The following XIAP variants were observed in gnomAD, a reference collection of about 807,000 sequenced individuals.
XIAP encodes E3 ubiquitin-protein ligase XIAP.
Under a neutral mutation model 33.1 loss-of-function variants are expected in XIAP, and 3 were observed. The ratio of observed to expected loss-of-function variants is 0.09; its 90% CI spans 0.04 to 0.23. The LOEUF is 0.23. Ranked by LOEUF, XIAP falls within the 10% of genes least tolerant of loss-of-function variation. The pLI is 1.00. For missense variants in XIAP, 264 were observed against 363.0 expected (o/e 0.73, Z 2.22); for synonymous variants, 98 against 121.3 (o/e 0.81, Z 1.26).
rs1195199037 is a variant in XIAP at position 123,907,870 on chromosome X, G to A, written c.*689G>A. On this transcript the variant is annotated 3_prime_UTR_variant, in exon 7 of 7. Coordinates refer to ENST00000371199, the MANE Select transcript of XIAP (RefSeq NM_001167.4). The stretch of plus-strand genomic sequence containing the variant: ...AAAACACTATGTATAGTCTGAGCCA[G>A]ATCAAAGTATGTATGTTTTTAATAT... 2.9e-6 allele frequency: 1 copy of A among 348,094 alleles called. No homozygotes were observed. Among genetic ancestry groups the A allele is most frequent in the South Asian group, 2.7e-5 (1 of 37,223 alleles). The allele number at this position is 348,094 out of a possible 1,213,427, so 28.7% of individuals were successfully genotyped here.
chrX:123,912,275 C>G lies in XIAP; in HGVS notation c.*5094C>G. On this transcript the variant is annotated 3_prime_UTR_variant, in exon 7 of 7. Coordinates refer to ENST00000371199, the MANE Select transcript of XIAP (RefSeq NM_001167.4). ...AATACAAAATAATACAAAGAAAAAG[C>G]CAAAATTGTCATACTGTTGTTAAGC... 1 of 297,890 alleles carries G rather than the reference C, an allele frequency of 3.4e-6. No individual in the cohort carries two copies. The highest frequency in any genetic ancestry group is 6.3e-6 in the Non-Finnish European group (1 of 159,898). The allele number at this position is 297,890 out of a possible 1,213,427, so 24.5% of individuals were successfully genotyped here. A position where few individuals can be genotyped will look rare whatever the true frequency, so the allele number is the denominator to read the frequency against.
At chrX:123,891,428 A>G (rs1359531306) in intron 4 of XIAP, 112 bp downstream of exon 4, 2 of 382,894 alleles carry the variant, frequency 5.2e-6, no homozygotes, top group African/African-American at 5.1e-5. Context: ...TTCATGTGAT[A>G]TTCACAGTAT....
chrX:123,901,328 T>G (rs188978756), intron 6 of XIAP, among the ~76,000 whole-genome samples: 189 of 111,496 alleles, frequency 1.7e-3, no homozygotes, highest in African/African-American at 5.9e-3. Context: ...AAGGCTGCAG[T>G]GAGCCATGAT....
chrX:123,862,579 C>T (rs1188810905), intron 1 of XIAP, among the ~76,000 whole-genome samples: 1 of 109,062 alleles, frequency 9.2e-6, no homozygotes, highest in Non-Finnish European at 1.9e-5. Context: ...AAAAATTTGA[C>T]ACCTGACGCT....
intron 1 of XIAP, among the ~76,000 whole-genome samples, chrX:123,884,035 GTA>G (rs375325112): frequency 8.9e-6 from 1 of 112,059 alleles, no homozygotes; most frequent in African/African-American, 3.2e-5. Flanking sequence ...AGCTGTTGAG[GTA>G]TATGAGTTAA....
chrX:123,884,445 T>G (rs1260044615), intron 1 of XIAP, among the ~76,000 whole-genome samples: 1 of 104,960 alleles, frequency 9.5e-6, no homozygotes, highest in African/African-American at 3.5e-5. Context: ...ATCACACCAT[T>G]GCACTCCAGC....
rs750071384 is a variant in XIAP at position 123,892,694 on chromosome X, A to G, written c.1057-37A>G. 3.2e-5 allele frequency: 36 copies of G among 1,137,287 alleles called. No individual in the cohort carries two copies. In the Admixed American group the frequency reaches 7.6e-4, roughly 24 times the overall value. 93.7% of individuals were successfully genotyped at this position (1,137,287 alleles called of 1,213,427 possible). ...AAATGGAAATGATTGCCTCTACCAA[A>G]AATAATTCTAACTTACAGTTCCTAT... On this transcript the variant is annotated intron_variant, in intron 4 of 6. Transcript: ENST00000371199.
In XIAP at chrX:123,888,598, T is replaced by C. The variant is rs759513867; in HGVS notation, c.878-21T>C. 3.4e-6 allele frequency: 4 copies of C among 1,182,665 alleles called. No homozygotes were observed. In the African/African-American group the frequency reaches 5.3e-5, roughly 16 times the overall value. Reference sequence around the variant, plus strand: ...AAGCTTCTAATTGCACAAATACATATATTCCTGTGTGTTTTCGTAGGTGAA... The same window carrying C: ...AAGCTTCTAATTGCACAAATACATACATTCCTGTGTGTTTTCGTAGGTGAA... On this transcript the variant is annotated intron_variant, in intron 2 of 6. Coordinates refer to ENST00000371199, the MANE Select transcript of XIAP (RefSeq NM_001167.4).
At chrX:123,897,036 A>G (rs1367104763) in intron 5 of XIAP, among the ~76,000 whole-genome samples, 1 of 105,164 alleles carries the variant, frequency 9.5e-6, no homozygotes, top group Admixed American at 1.0e-4. Context: ...GGTTCAAGCA[A>G]TTCTCCTGCC....
chrX:123,865,515 CAGG>C (rs1446419542), intron 1 of XIAP, among the ~76,000 whole-genome samples: 1 of 106,339 alleles, frequency 9.4e-6, no homozygotes, highest in Non-Finnish European at 1.9e-5. Context: ...ATCACGAGGT[CAGG>C]AGATCTAGAC....
At chrX:123,906,246 C>A (rs2053554751) in intron 6 of XIAP, among the ~76,000 whole-genome samples, 1 of 111,984 alleles carries the variant, frequency 8.9e-6, no homozygotes, top group Admixed American at 9.5e-5. Context: ...CACCTATATG[C>A]TGATGACATC....
intron 2 of XIAP, 31 bp from the exon 3 acceptor site, chrX:123,888,588 C>G (rs750579172): frequency 8.6e-7 from 1 of 1,164,388 alleles, no homozygotes; most frequent in Middle Eastern, 2.7e-4. Context: ...TCTAATTGCA[C>G]AAATACATAT....
chrX:123,874,551 A>G (rs1333676157), intron 1 of XIAP: 1 of 111,477 alleles, frequency 9.0e-6, no homozygotes, highest in Non-Finnish European at 1.9e-5. Context: ...TTTAAAATAC[A>G]TCCTGAACAT....
rs193213608 is a variant in XIAP at position 123,892,231 on chromosome X, A to G, written c.1057-500A>G. 4.3e-4 allele frequency among the ~76,000 whole-genome samples: 48 copies of G among 110,476 alleles called. 1 individual carries two copies. The East Asian group carries it at 0.013, about 29-fold the overall frequency. On this transcript the variant is annotated intron_variant, in intron 4 of 6. Coordinates refer to ENST00000371199, the MANE Select transcript of XIAP (RefSeq NM_001167.4). ...AAATACAAAAATTTAGCTAGGCGTA[A>G]TGGCGGGCGCCTGTAATCTCAGCTA...
intron 5 of XIAP, among the ~76,000 whole-genome samples, chrX:123,899,203 GTGTATATATATATGATTT>G (rs1297759867): frequency 0.021 from 453 of 21,885 alleles, 3 homozygotes; most frequent in African/African-American, 0.036. Context: ...ATATATGATT[GTGTATATATATATGATTT>G]TGTATATATA....
At chrX:123,867,606 T>C (rs974034194) in intron 1 of XIAP, among the ~76,000 whole-genome samples, 16 of 109,092 alleles carry the variant, frequency 1.5e-4, no homozygotes, top group Middle Eastern at 4.7e-3. Flanking sequence ...ACTCCTGACC[T>C]TGTGATCCGC....
chrX:123,884,960 A>G (rs2053338389), intron 1 of XIAP, among the ~76,000 whole-genome samples: 1 of 110,229 alleles, frequency 9.1e-6, no homozygotes, highest in African/African-American at 3.3e-5. Context: ...AAAAAAAGTA[A>G]CAGCAATTAA....
chrX:123,882,777 A>G (rs890526048), intron 1 of XIAP, among the ~76,000 whole-genome samples: 1 of 111,994 alleles, frequency 8.9e-6, no homozygotes, highest in South Asian at 3.6e-4. Flanking sequence ...TAGTTATGCA[A>G]CAGATTTTTT....
intron 5 of XIAP, 95 bp from the exon 6 acceptor site, chrX:123,900,398 T>C (rs2053504563): frequency 2.5e-6 from 2 of 799,358 alleles, no homozygotes; most frequent in Non-Finnish European, 3.6e-6. Flanking sequence ...TGCTCCTTAA[T>C]TTTTTCATTT....
Sources: allele counts gnomAD v4.1 joint callset (sites outside exome capture counted in the v4.1 genomes callset), GRCh38; gene constraint gnomAD v4.1.1; transcripts MANE v1.5; gene names NCBI Gene and HGNC (gene_info 2026-07-23, HGNC 2026-07-21).